The following DACH2 variants were observed in gnomAD, a reference collection of about 807,000 sequenced individuals.
DACH2 encodes dachshund homolog 2.
Under a neutral mutation model 35.8 loss-of-function variants are expected in DACH2, and 17 were observed. The observed-to-expected ratio is 0.48, with a 90% CI of 0.33 to 0.71. DACH2 has a LOEUF of 0.71. DACH2 is among the 30% of genes least tolerant of loss of function. DACH2 has a pLI of 0.02. For synonymous variants in DACH2, 195 were observed against 177.3 expected, an observed-to-expected ratio of 1.10 and a Z score of -0.79; for missense variants, 469 against 472.7, an observed-to-expected ratio of 0.99 and a Z score of 0.07.
chrX:86,480,922 T>G (rs887869320), intron 2 of DACH2: 4 of 112,100 alleles, frequency 3.6e-5, no homozygotes, highest in African/African-American at 1.3e-4. Flanking sequence ...TAGTATAAAA[T>G]TAAGAGATAC....
chrX:86,377,702 T>A (rs140038683), intron 2 of DACH2, among the ~76,000 whole-genome samples: 22 of 110,546 alleles, frequency 2.0e-4, no homozygotes, highest in African/African-American at 6.5e-4. Flanking sequence ...AGGGCTGCCC[T>A]TGATGCAGGC....
At chrX:86,191,012 C>G (rs2031818547) in intron 1 of DACH2, among the ~76,000 whole-genome samples, 1 of 112,106 alleles carries the variant, frequency 8.9e-6, no homozygotes, top group African/African-American at 3.2e-5. Context: ...AAAGAGAACA[C>G]TAATACACTG....
chrX:86,435,548 A>G (rs1184659286), intron 2 of DACH2, among the ~76,000 whole-genome samples: 1 of 112,057 alleles, frequency 8.9e-6, no homozygotes, highest in Non-Finnish European at 1.9e-5. Flanking sequence ...TTTCAAAATC[A>G]TACAAAGTTT....
intron 1 of DACH2, among the ~76,000 whole-genome samples, chrX:86,166,992 T>G (rs1359801209): frequency 1.8e-5 from 2 of 111,617 alleles, no homozygotes; most frequent in Non-Finnish European, 3.8e-5. Flanking sequence ...TGCATCAAAT[T>G]CATAGGAGAT....
At chrX:86,827,807 A>G in intron 11 of DACH2, 1 of 1,163,104 alleles carries the variant, frequency 8.6e-7, no homozygotes, top group Non-Finnish European at 1.2e-6. Flanking sequence ...CATAGGCACG[A>G]ATAGGGTGCT....
At position 86,436,184 on chromosome X, in the gene DACH2, T is replaced by TA. The variant is rs1363943782; in HGVS notation, c.527+59328dup. On this transcript the variant is annotated intron_variant, in intron 2 of 11. Transcript: ENST00000373125. The stretch of plus-strand genomic sequence containing the variant: ...ATACCATAAATCCTGAAATCTCTAT[T>TA]AAAAAATTTGAAGTTATGCTTATAA... 4.5e-5 allele frequency among the ~76,000 whole-genome samples: 5 copies of TA among 111,013 alleles called. No homozygotes were observed. In the East Asian group the frequency reaches 1.4e-3, roughly 31 times the overall value.
chrX:86,194,268 T>G (rs759193914), intron 1 of DACH2, among the ~76,000 whole-genome samples: 1 of 111,882 alleles, frequency 8.9e-6, no homozygotes, highest in South Asian at 3.7e-4. Context: ...ATAAAATTCT[T>G]CATATTCTTC....
intron 1 of DACH2, among the ~76,000 whole-genome samples, chrX:86,358,480 C>A (rs972697372): frequency 1.2e-5 from 1 of 86,045 alleles, no homozygotes; most frequent in Non-Finnish European, 2.3e-5. Context: ...CACACACACA[C>A]AATCCCAGAG....
chrX:86,460,554 T>C lies in DACH2; in HGVS notation c.528-53725T>C, dbSNP rs892069008. Reference sequence around the variant, plus strand: ...GATCCTTTAGTGAGAACTTATACTCTTCGATTCTAACATATATAGCATATA... The same window carrying C: ...GATCCTTTAGTGAGAACTTATACTCCTCGATTCTAACATATATAGCATATA... On this transcript the variant is annotated intron_variant, in intron 2 of 11. Transcript: ENST00000373125. 3.6e-5 allele frequency among the ~76,000 whole-genome samples: 4 copies of C among 110,960 alleles called. No individual in the cohort carries two copies. The Admixed American group carries it at 3.9e-4, about 11-fold the overall frequency.
intron 3 of DACH2, among the ~76,000 whole-genome samples, chrX:86,595,649 T>G (rs1349153653): frequency 1.8e-5 from 2 of 110,634 alleles, no homozygotes; most frequent in African/African-American, 6.5e-5. Context: ...TGTTTGTAAC[T>G]ATTTTTATTC....
At chrX:86,788,428 C>A (rs2042158726) in intron 7 of DACH2, among the ~76,000 whole-genome samples, 1 of 111,209 alleles carries the variant, frequency 9.0e-6, no homozygotes, top group South Asian at 3.8e-4. Flanking sequence ...GGGTCTCTTG[C>A]CTGTTCATTT....
chrX:86,766,391 G>C (rs191185595), intron 7 of DACH2, among the ~76,000 whole-genome samples: 1 of 111,889 alleles, frequency 8.9e-6, no homozygotes, highest in East Asian at 2.8e-4. Context: ...TGCTGAATTC[G>C]ATGATGTAAG....
intron 4 of DACH2, among the ~76,000 whole-genome samples, chrX:86,688,369 C>T (rs187142482): frequency 1.4e-3 from 161 of 111,536 alleles, no homozygotes; most frequent in African/African-American, 5.1e-3. Flanking sequence ...TTAAGAGTCT[C>T]TTGAGATGAT....
chrX:86,399,521 A>C (rs1436903177), intron 2 of DACH2, among the ~76,000 whole-genome samples: 1 of 111,609 alleles, frequency 9.0e-6, no homozygotes, highest in Non-Finnish European at 1.9e-5. Context: ...GGCCGGTACC[A>C]GTTGTTCCTT....
At chrX:86,786,799 C>G (rs1027823795) in intron 7 of DACH2, among the ~76,000 whole-genome samples, 1 of 112,123 alleles carries the variant, frequency 8.9e-6, no homozygotes, top group Non-Finnish European at 1.9e-5. Context: ...TGTTCATCAT[C>G]ATTGCTGATA....
At chrX:86,746,060 G>C (rs965976367) in intron 7 of DACH2, among the ~76,000 whole-genome samples, 1 of 111,328 alleles carries the variant, frequency 9.0e-6, no homozygotes, top group African/African-American at 3.3e-5. Flanking sequence ...CATGTCCTTC[G>C]TCCACTTTTT....
At chrX:86,320,442 TG>T (rs746914819) in intron 1 of DACH2, among the ~76,000 whole-genome samples, 1 of 112,261 alleles carries the variant, frequency 8.9e-6, no homozygotes, top group African/African-American at 3.2e-5. Context: ...CAGTTTTCTC[TG>T]GGAGAAAGTG....
At chrX:86,722,549 G>A (rs2041419577) in intron 6 of DACH2, among the ~76,000 whole-genome samples, 2 of 109,012 alleles carry the variant, frequency 1.8e-5, no homozygotes, top group South Asian at 7.9e-4. Context: ...TTTTGTAGAG[G>A]TAGTTGTCTT....
intron 2 of DACH2, among the ~76,000 whole-genome samples, chrX:86,411,020 T>TTTTATATATATATATATA (rs1556108950): frequency 2.5e-5 from 1 of 40,528 alleles, no homozygotes; most frequent in Non-Finnish European, 4.4e-5. Context: ...ACTAATATGA[T>TTTTATATATATATATATA]TATATATATA....
Sources: gnomAD v4.1 joint callset for allele counts (sites outside exome capture counted in the v4.1 genomes callset) on GRCh38, gnomAD v4.1.1 for gene constraint, MANE v1.5 for transcripts, NCBI Gene and HGNC (gene_info 2026-07-23, HGNC 2026-07-21) for gene names.